Variants in MYRIP observed in about 807,000 individuals in gnomAD.
The protein encoded by MYRIP is myosin VIIA and Rab interacting protein.
In MYRIP, 49 loss-of-function variants were observed where a neutral mutation model predicts 98.0. The observed-to-expected ratio is 0.50, with a 90% confidence interval of 0.40 to 0.63. MYRIP has a LOEUF of 0.63. Among genes scored for constraint, MYRIP ranks in the 30% least tolerant of loss-of-function variants. MYRIP has a pLI of 0.00. For synonymous variants in MYRIP, 404 were observed against 409.5 expected, an observed-to-expected ratio of 0.99 and a Z score of 0.16; for missense variants, 1,004 against 1,058.2, an observed-to-expected ratio of 0.95 and a Z score of 0.71.
At chr3:39,948,401 A>G (rs1482259328) in intron 2 of MYRIP, among the ~76,000 whole-genome samples, 8 of 152,230 alleles carry the variant, frequency 5.3e-5, no homozygotes, top group African/African-American at 1.9e-4. Context: ...TATAGCCACT[A>G]GAATCAACAG....
intron 1 of MYRIP, among the ~76,000 whole-genome samples, chr3:39,882,205 G>C (rs1280236495): frequency 1.3e-5 from 2 of 152,030 alleles, no homozygotes; most frequent in Non-Finnish European, 2.9e-5. Context: ...ATGGGTTTAT[G>C]ATCATGAAAG....
chr3:39,915,133 T>C (rs6786998), intron 2 of MYRIP, among the ~76,000 whole-genome samples: 2 of 151,840 alleles, frequency 1.3e-5, no homozygotes, highest in South Asian at 4.1e-4. Context: ...AGCAACAGAG[T>C]CACTTGCTTT....
At chr3:40,129,014 T>C (rs1949580011) in intron 3 of MYRIP, among the ~76,000 whole-genome samples, 1 of 152,196 alleles carries the variant, frequency 6.6e-6, no homozygotes, top group Admixed American at 6.5e-5. Context: ...AATTATTCAA[T>C]TCCTCTTCAA....
chr3:39,994,497 G>A (rs985714212), intron 2 of MYRIP, among the ~76,000 whole-genome samples: 5 of 152,222 alleles, frequency 3.3e-5, no homozygotes, highest in African/African-American at 4.8e-5. Context: ...GGGGAGGGGC[G>A]CCTGCCATTG....
At chr3:39,962,309 G>C (rs1480194212) in intron 2 of MYRIP, among the ~76,000 whole-genome samples, 2 of 152,082 alleles carry the variant, frequency 1.3e-5, no homozygotes, top group African/African-American at 4.8e-5. Context: ...CCCCTGACCT[G>C]TTGTTATTGT....
At chr3:39,810,278 C>T (rs1463100493) in intron 1 of MYRIP, among the ~76,000 whole-genome samples, 1 of 152,192 alleles carries the variant, frequency 6.6e-6, no homozygotes, top group Non-Finnish European at 1.5e-5. Context: ...GGCGCACCGG[C>T]GGGACGCCTC....
intron 11 of MYRIP, among the ~76,000 whole-genome samples, chr3:40,230,307 T>TA (rs1952614343): frequency 6.6e-6 from 1 of 152,210 alleles, no homozygotes; most frequent in Admixed American, 6.5e-5. Context: ...GCAATAGAAA[T>TA]AGGTAGGATC....
intron 1 of MYRIP, among the ~76,000 whole-genome samples, chr3:39,864,224 C>T (rs1342111724): frequency 6.6e-6 from 1 of 152,110 alleles, no homozygotes; most frequent in Non-Finnish European, 1.5e-5. Context: ...GAAGCATTCC[C>T]CTTTGAAAAC....
Position 39,828,465 on chromosome 3 carries a change from TTA to T in MYRIP, c.-31+18562_-31+18563del, listed in dbSNP as rs150044293. ...ATGATTTTGAATTATTTCTGGCAAT[TTA>T]TATATATATATAATATCTTTTATTT... is the stretch of plus-strand genomic sequence containing the variant. On this transcript the variant is annotated intron_variant, in intron 1 of 16. Coordinates refer to ENST00000302541, the MANE Select transcript of MYRIP (RefSeq NM_015460.4). Among the ~76,000 whole-genome samples the T allele has an allele frequency of 3.6e-3, 544 of 151,084 alleles. 2 individuals carry two copies. The highest frequency in any genetic ancestry group is 0.016 in the East Asian group (82 of 5,190).
chr3:40,192,103 G>T (rs1951229238), intron 10 of MYRIP, among the ~76,000 whole-genome samples: 2 of 142,248 alleles, frequency 1.4e-5, no homozygotes, highest in Non-Finnish European at 1.5e-5. Context: ...ACCCTGATGG[G>T]TTTTTTTTTT....
intron 1 of MYRIP, among the ~76,000 whole-genome samples, chr3:39,814,175 T>G (rs774899686): frequency 1.1e-4 from 17 of 152,324 alleles, no homozygotes; most frequent in Middle Eastern, 3.4e-3. Context: ...TAAATCAACA[T>G]TCATCTGTTA....
intron 3 of MYRIP, among the ~76,000 whole-genome samples, chr3:40,132,902 T>A (rs1949677724): frequency 6.6e-6 from 1 of 152,386 alleles, no homozygotes; most frequent in East Asian, 1.9e-4. Flanking sequence ...CAGCCCTCCT[T>A]ACTCAGAGTC....
At chr3:39,867,312 ATGT>A (rs1446930413) in intron 1 of MYRIP, among the ~76,000 whole-genome samples, 2 of 152,220 alleles carry the variant, frequency 1.3e-5, no homozygotes, top group African/African-American at 2.4e-5. Context: ...AAAAATAAAC[ATGT>A]TGTACTACAT....
At chr3:40,226,635 T>C (rs1952500680) in intron 11 of MYRIP, among the ~76,000 whole-genome samples, 1 of 152,206 alleles carries the variant, frequency 6.6e-6, no homozygotes, top group African/African-American at 2.4e-5. Context: ...TCCCGGCTTC[T>C]TCAAGGAAAA....
chr3:40,049,464 C>A (rs572589129), intron 3 of MYRIP, among the ~76,000 whole-genome samples: 1 of 151,862 alleles, frequency 6.6e-6, no homozygotes, highest in Non-Finnish European at 1.5e-5. Flanking sequence ...CAAACCACAC[C>A]CATATAAGAC....
chr3:40,132,455 C>A (rs1213462846), intron 3 of MYRIP, among the ~76,000 whole-genome samples: 1 of 152,220 alleles, frequency 6.6e-6, no homozygotes, highest in Non-Finnish European at 1.5e-5. Context: ...GTCACATTTT[C>A]ATTCCTCAAG....
In MYRIP at chr3:40,210,058, G is replaced by A; in HGVS notation, c.1870G>A (p.Asp624Asn). ...CCAGAAGGAAAGTCTGTCCTCTGAA[G>A]ACAACAGCCAGAGTGTCCAGGAAGA... Reference protein sequence around the residue: ...ENQKESLSSEDNSQSVQEELK... With the variant: ...ENQKESLSSENNSQSVQEELK... The change falls in exon 11 of 17, where the codon GAC becomes AAC. Residue 624 changes from aspartate to asparagine, a missense_variant. Asp to Asn is a conservative substitution (Grantham distance 23). Transcript: ENST00000302541. The A allele has an allele frequency of 6.2e-7, 1 of 1,614,030 alleles. No individual in the cohort carries two copies. The highest frequency in any genetic ancestry group is 8.5e-7 in the Non-Finnish European group (1 of 1,179,944).
At chr3:40,075,808 G>A (rs1948330946) in intron 3 of MYRIP, among the ~76,000 whole-genome samples, 1 of 152,128 alleles carries the variant, frequency 6.6e-6, no homozygotes, top group African/African-American at 2.4e-5. Flanking sequence ...ATACTTAAAT[G>A]TGGAGGGGAA....
At chr3:40,047,693 T>C (rs1947699783) in intron 3 of MYRIP, among the ~76,000 whole-genome samples, 1 of 152,178 alleles carries the variant, frequency 6.6e-6, no homozygotes, top group Non-Finnish European at 1.5e-5. Context: ...AGGAAAGAAA[T>C]CCATGAAATA....
Sources: allele counts gnomAD v4.1 joint callset (sites outside exome capture counted in the v4.1 genomes callset), GRCh38; gene constraint gnomAD v4.1.1; transcripts MANE v1.5; gene names NCBI Gene and HGNC (gene_info 2026-07-23, HGNC 2026-07-21).